Variants in GTF3C3 observed in about 807,000 individuals in gnomAD.
GTF3C3 encodes the protein general transcription factor 3C polypeptide 3.
A neutral mutation model predicts 105.2 loss-of-function variants in GTF3C3; 75 were observed. The ratio of observed to expected loss-of-function variants is 0.71; its 90% CI spans 0.59 to 0.86. GTF3C3 has a LOEUF of 0.86. Among genes scored for constraint, GTF3C3 ranks in the 40% least tolerant of loss-of-function variants. GTF3C3 has a pLI of 0.00. For missense variants in GTF3C3, 856 were observed against 1,076.5 expected (o/e 0.80, Z 2.87); for synonymous variants, 335 against 370.4 (o/e 0.90, Z 1.10).
chr2:196,778,625 C>A, intron 10 of GTF3C3: 1 of 410,988 alleles, frequency 2.4e-6, no homozygotes, highest in Non-Finnish European at 4.4e-6. Context: ...AGAAACCAGA[C>A]CCTATGGTTA....
At chr2:196,764,715 A>G in intron 17 of GTF3C3, 30 bp from the exon 18 acceptor site, 1 of 1,586,696 alleles carries the variant, frequency 6.3e-7, no homozygotes, top group Middle Eastern at 1.7e-4. Context: ...TTTATGTTTA[A>G]TATTTCCAAC....
chr2:196,781,639 A>AGATATATAGT (rs1218335797), intron 8 of GTF3C3, among the ~76,000 whole-genome samples: 1 of 151,884 alleles, frequency 6.6e-6, no homozygotes, highest in African/African-American at 2.4e-5. Context: ...TCTCTCATGA[A>AGATATATAGT]CACTGAGGGG....
At chr2:196,784,661 A>G (rs1045219741) in intron 8 of GTF3C3, 196 bp downstream of exon 8, 1 of 334,684 alleles carries the variant, frequency 3.0e-6, no homozygotes, top group African/African-American at 2.2e-5. Context: ...CTCAAAACAA[A>G]TTTTTTTAAA....
chr2:196,799,576 C>T lies in GTF3C3; in HGVS notation c.36G>A (p.Leu12=), dbSNP rs1469469231. 1.9e-6 allele frequency: 3 copies of T among 1,614,108 alleles called. No individual in the cohort carries two copies. The highest frequency in any genetic ancestry group is 8.5e-7 in the Non-Finnish European group (1 of 1,179,958). The change falls in exon 1 of 18, where the codon TTG becomes TTA. Residue 12 remains leucine (L), a synonymous_variant. Transcript: ENST00000263956. The part of the protein sequence containing the change: ...SGFSPELIDY[L]EGKISFEEFE... ...ACTCCTCAAAGGAGATTTTCCCTTC[C>T]AAGTAGTCGATGAGTTCCGGACTGA...
At chr2:196,772,717 G>T (rs536307315) in intron 14 of GTF3C3, among the ~76,000 whole-genome samples, 199 bp downstream of exon 14, 1 of 152,284 alleles carries the variant, frequency 6.6e-6, no homozygotes, top group South Asian at 2.1e-4. Flanking sequence ...AGGTCACGCA[G>T]CCAGTAGGCG....
At chr2:196,798,172 G>T (rs1057004035) in intron 1 of GTF3C3, among the ~76,000 whole-genome samples, 3 of 151,754 alleles carry the variant, frequency 2.0e-5, no homozygotes, top group African/African-American at 7.3e-5. Context: ...TCTGTCATTT[G>T]TAAAAAAAAA....
chr2:196,779,380 G>A lies in GTF3C3; in HGVS notation c.1219-313C>T, dbSNP rs554976295. Among the ~76,000 whole-genome samples the A allele has an allele frequency of 8.9e-3, 1,356 of 152,030 alleles. 7 individuals carry two copies. The highest frequency in any genetic ancestry group is 0.014 in the Non-Finnish European group (944 of 67,956). ...TGGCCTCAAGTGATCTACCCTCCTC[G>A]GCCTCCCAAAGTCTATAGCTCTCTT... is the stretch of plus-strand genomic sequence containing the variant. On this transcript the variant is annotated intron_variant, in intron 9 of 17. Coordinates refer to ENST00000263956, the MANE Select transcript of GTF3C3 (RefSeq NM_012086.5).
At chr2:196,781,363 T>TATATATATATAC (rs1699357057) in intron 8 of GTF3C3, among the ~76,000 whole-genome samples, 1 of 84,084 alleles carries the variant, frequency 1.2e-5, no homozygotes. Flanking sequence ...AAAAAATATA[T>TATATATATATAC]ATATATATAT....
chr2:196,772,063 G>C, intron 14 of GTF3C3, 125 bp from the exon 15 acceptor site: 1 of 643,080 alleles, frequency 1.6e-6, no homozygotes, highest in Non-Finnish European at 2.7e-6. Flanking sequence ...AGGAAAAGCA[G>C]ATAGTTTCAA....
At chr2:196,779,794 C>G (rs1048163192) in intron 9 of GTF3C3, among the ~76,000 whole-genome samples, 1 of 152,104 alleles carries the variant, frequency 6.6e-6, no homozygotes, top group Non-Finnish European at 1.5e-5. Flanking sequence ...ATCCTCCCAC[C>G]TTACCTCCCA....
At position 196,763,216 on chromosome 2, in the gene GTF3C3, C is replaced by A. The variant is rs1489816156; in HGVS notation, c.*1347G>T. The A allele has an allele frequency of 6.6e-6, 1 of 152,076 alleles. No individual in the cohort carries two copies. Among genetic ancestry groups the A allele is most frequent in the Non-Finnish European group, 1.5e-5 (1 of 67,996 alleles). The allele number at this position is 152,076 out of a possible 1,614,324, so 9.4% of individuals were successfully genotyped here. A position where few individuals can be genotyped will look rare whatever the true frequency, so the allele number is the denominator to read the frequency against. ...GGAAGCTATGATTTTAAAAGCTAAA[C>A]AAAACTATACAATATCAGCTGGTTT... On this transcript the variant is annotated 3_prime_UTR_variant, in exon 18 of 18. Coordinates refer to ENST00000263956, the MANE Select transcript of GTF3C3 (RefSeq NM_012086.5).
chr2:196,780,723 T>G, intron 8 of GTF3C3, 61 bp from the exon 9 acceptor site: 1 of 1,556,232 alleles, frequency 6.4e-7, no homozygotes, highest in Non-Finnish European at 8.7e-7. Flanking sequence ...GTATCTTCTA[T>G]GTAAGATCTC....
intron 8 of GTF3C3, among the ~76,000 whole-genome samples, chr2:196,781,349 A>T (rs1348025422): frequency 4.4e-5 from 1 of 22,860 alleles, no homozygotes; most frequent in African/African-American, 8.3e-5. Flanking sequence ...GGGGAAAAAA[A>T]AAAAAAAAAT....
At chr2:196,784,715 A>G (rs946969013) in intron 8 of GTF3C3, 142 bp downstream of exon 8, 3 of 1,080,052 alleles carry the variant, frequency 2.8e-6, no homozygotes, top group Non-Finnish European at 3.6e-6. Flanking sequence ...AATCTCTGAG[A>G]AAAAAATGCT....
chr2:196,793,717 A>G (rs1050990918), intron 2 of GTF3C3, among the ~76,000 whole-genome samples: 4 of 152,196 alleles, frequency 2.6e-5, no homozygotes, highest in Non-Finnish European at 5.9e-5. Context: ...TAGAATGCCT[A>G]GCATATAGTA....
intron 1 of GTF3C3, among the ~76,000 whole-genome samples, chr2:196,798,862 C>CAA (rs71410624): frequency 0.14 from 11,460 of 83,582 alleles, 902 homozygotes; most frequent in African/African-American, 0.24. Flanking sequence ...AACTCCGTCT[C>CAA]AAAAAAAAAA....
At chr2:196,766,112 A>ATTAAC (rs1278578061) in intron 17 of GTF3C3, among the ~76,000 whole-genome samples, 1 of 152,180 alleles carries the variant, frequency 6.6e-6, no homozygotes, top group Non-Finnish European at 1.5e-5. Flanking sequence ...ACATTTAAAA[A>ATTAAC]TTAACATATT....
intron 15 of GTF3C3, among the ~76,000 whole-genome samples, chr2:196,771,419 A>G (rs1293075098): frequency 3.9e-5 from 6 of 152,248 alleles, no homozygotes; most frequent in Non-Finnish European, 5.9e-5. Flanking sequence ...AATGAATTTT[A>G]TAAGACCTGT....
intron 4 of GTF3C3, 72 bp downstream of exon 4, chr2:196,791,265 G>C: frequency 6.9e-7 from 1 of 1,451,804 alleles, no homozygotes; most frequent in African/African-American, 1.4e-5. Context: ...ATAGTACTGT[G>C]AAGTGCTCCC....
Sources: allele counts gnomAD v4.1 joint callset (sites outside exome capture counted in the v4.1 genomes callset), GRCh38; gene constraint gnomAD v4.1.1; transcripts MANE v1.5; gene names NCBI Gene and HGNC (gene_info 2026-07-23, HGNC 2026-07-21).